PEAK1: variants seen among roughly 807,000 people sequenced by gnomAD.
PEAK1 encodes pseudopodium enriched atypical kinase 1, also known as inactive tyrosine-protein kinase PEAK1.
In PEAK1, 54 loss-of-function variants were observed where a neutral mutation model predicts 124.7. The observed-to-expected ratio is 0.43, with a 90% CI of 0.35 to 0.54. The LOEUF (loss-of-function observed/expected upper bound fraction) is 0.54, where lower values mean the gene tolerates loss of function less well. PEAK1 is among the 20% of genes least tolerant of loss of function. The pLI, the probability that PEAK1 is intolerant of heterozygous loss-of-function variation, is 0.01. For synonymous variants in PEAK1, 719 were observed against 760.0 expected (o/e 0.95, Z 0.89); for missense variants, 2,046 against 2,134.5 (o/e 0.96, Z 0.82).
chr15:77,333,182 A>C (rs1019939569), intron 2 of PEAK1: 67 of 933,706 alleles, frequency 7.2e-5, no homozygotes, highest in Non-Finnish European at 8.3e-5. Flanking sequence ...AAGAGGTCTC[A>C]CTTTATTGCT....
chr15:77,375,890 T>G (rs1233656487), intron 1 of PEAK1, among the ~76,000 whole-genome samples: 2 of 151,848 alleles, frequency 1.3e-5, no homozygotes, highest in African/African-American at 4.8e-5. Flanking sequence ...TCCCAGCTAC[T>G]CGGGAGGCTG....
chr15:77,150,878 T>C (rs1378649122), intron 8 of PEAK1, among the ~76,000 whole-genome samples: 6 of 152,294 alleles, frequency 3.9e-5, no homozygotes, highest in African/African-American at 1.4e-4. Flanking sequence ...TTCCATGGTG[T>C]ATATGTGCCA....
chr15:77,282,711 C>T (rs2062734356), intron 5 of PEAK1, among the ~76,000 whole-genome samples: 1 of 152,092 alleles, frequency 6.6e-6, no homozygotes. Context: ...TCACAATGGG[C>T]CAATGAGAAA....
At chr15:77,334,165 G>A (rs1412048130) in intron 2 of PEAK1, 18 of 962,410 alleles carry the variant, frequency 1.9e-5, no homozygotes, top group Admixed American at 6.2e-5. Flanking sequence ...TTTCCAACTA[G>A]GTATTCCTTG....
intron 5 of PEAK1, among the ~76,000 whole-genome samples, chr15:77,260,956 C>G (rs2061408300): frequency 6.6e-6 from 1 of 152,210 alleles, no homozygotes; most frequent in African/African-American, 2.4e-5. Flanking sequence ...GCAACATTTG[C>G]TGTTCACCAA....
intron 1 of PEAK1, among the ~76,000 whole-genome samples, chr15:77,400,621 T>C (rs529629083): frequency 9.1e-4 from 139 of 152,190 alleles, no homozygotes; most frequent in African/African-American, 3.2e-3. Context: ...ACAATTGAAC[T>C]CATGGGGATG....
intron 6 of PEAK1, among the ~76,000 whole-genome samples, chr15:77,183,956 T>C (rs1279598725): frequency 6.6e-6 from 1 of 151,882 alleles, no homozygotes; most frequent in Non-Finnish European, 1.5e-5. Flanking sequence ...GCCTCTGGAG[T>C]AGCTGGGACT....
chr15:77,150,012 A>G (rs533913322), intron 8 of PEAK1, among the ~76,000 whole-genome samples: 48 of 152,276 alleles, frequency 3.2e-4, no homozygotes, highest in Admixed American at 2.3e-3. Flanking sequence ...GGCTTCCCAA[A>G]GTGCTGGGAT....
At chr15:77,242,828 T>A (rs1242584041) in intron 6 of PEAK1, among the ~76,000 whole-genome samples, 1 of 152,192 alleles carries the variant, frequency 6.6e-6, no homozygotes, top group East Asian at 1.9e-4. Flanking sequence ...GCCTCACTTA[T>A]AACACATGAA....
Position 77,348,458 on chromosome 15 carries a change from A to G in PEAK1, c.-603+16705T>C, listed in dbSNP as rs545730564. 2.6e-3 allele frequency: 2,438 copies of G among 940,304 alleles called. 7 individuals carry two copies. The highest frequency in any genetic ancestry group is 3.0e-3 in the Non-Finnish European group (2,338 of 789,040). 58.2% of individuals were successfully genotyped at this position (940,304 alleles called of 1,614,324 possible). On this transcript the variant is annotated intron_variant, in intron 2 of 9. Coordinates refer to ENST00000682557, the MANE Select transcript of PEAK1 (RefSeq NM_001385026.1). ...TTTTAAAAAGAAAAAATAATAAATA[A>G]TAGGTTGTAAAAGCTAAACACAATG...
intron 2 of PEAK1, chr15:77,333,013 A>G (rs990426025): frequency 4.3e-6 from 4 of 930,234 alleles, no homozygotes; most frequent in Admixed American, 6.2e-5. Flanking sequence ...TTATTGACTT[A>G]TAAGTGCTCT....
At chr15:77,356,048 A>G (rs2067498827) in intron 2 of PEAK1, 1 of 589,184 alleles carries the variant, frequency 1.7e-6, no homozygotes, top group African/African-American at 2.0e-5. Context: ...CCATGTGCAC[A>G]CGACCTGGCC....
chr15:77,377,504 G>A (rs1450794927), intron 1 of PEAK1, among the ~76,000 whole-genome samples: 1 of 150,178 alleles, frequency 6.7e-6, no homozygotes, highest in Non-Finnish European at 1.5e-5. Flanking sequence ...CCAGGCTGGA[G>A]TACAATGGCA....
rs776011798 is a variant in PEAK1, at chr15:77,114,399, C to G, written c.4998G>C (p.Leu1666=). 8 of 1,614,068 alleles carry G rather than the reference C, an allele frequency of 5.0e-6. No individual in the cohort carries two copies. The Admixed American group carries it at 1.3e-4, about 27-fold the overall frequency. ...AGAGATCTTCGCGGGGGCCCCAGAG[C>G]AGACACTGGAGGATGCCTTTGGCGT... ...ISDAKGILQC[L]LWGPREDLFQ... The change falls in exon 10 of 10, where the codon CTG becomes CTC. Residue 1666 remains leucine (L), a synonymous_variant. Coordinates refer to ENST00000682557, the MANE Select transcript of PEAK1 (RefSeq NM_001385026.1).
intron 6 of PEAK1, among the ~76,000 whole-genome samples, chr15:77,220,302 T>G (rs2059328671): frequency 6.6e-6 from 1 of 151,984 alleles, no homozygotes; most frequent in Non-Finnish European, 1.5e-5. Flanking sequence ...AAGTTGCAAC[T>G]TTTACTCAGA....
intron 9 of PEAK1, among the ~76,000 whole-genome samples, chr15:77,121,307 G>A (rs1041123673): frequency 1.1e-4 from 16 of 152,214 alleles, no homozygotes; most frequent in African/African-American, 2.9e-4. Flanking sequence ...AGCAAGGCAC[G>A]TAGTACTTGC....
chr15:77,411,334 A>G (rs894573702), intron 1 of PEAK1, among the ~76,000 whole-genome samples: 2 of 152,234 alleles, frequency 1.3e-5, no homozygotes, highest in Non-Finnish European at 2.9e-5. Flanking sequence ...ACTCCTCATC[A>G]GTTCACTGAG....
In PEAK1 at chr15:77,186,026, T is replaced by C. The variant is rs150581459; in HGVS notation, c.-114-3986A>G. 6.8e-3 allele frequency among the ~76,000 whole-genome samples: 1,039 copies of C among 152,338 alleles called. 13 individuals are homozygous for C. The highest frequency in any genetic ancestry group is 0.024 in the African/African-American group (987 of 41,578). ...TTTTGTTTTTACCTTTTTTGGTAGA[T>C]GTTTTTTTCTTTTGTTGTATATGCT... is the stretch of plus-strand genomic sequence containing the variant. On this transcript the variant is annotated intron_variant, in intron 6 of 9. Transcript: ENST00000682557.
Position 77,275,443 on chromosome 15 carries a change from C to T in PEAK1, c.-275+8440G>A, listed in dbSNP as rs111354195. 8.0e-3 allele frequency among the ~76,000 whole-genome samples: 1,218 copies of T among 152,202 alleles called. 19 individuals carry two copies. Among genetic ancestry groups the T allele is most frequent in the African/African-American group, 0.028 (1,162 of 41,530 alleles). On this transcript the variant is annotated intron_variant, in intron 5 of 9. Transcript: ENST00000682557. ...ATTTTAAGAAACAAATGAGGCTGGG[C>T]ATGGTGGCTCATGCCTATAATCCCA...
Sources: allele counts gnomAD v4.1 joint callset (sites outside exome capture counted in the v4.1 genomes callset), GRCh38; gene constraint gnomAD v4.1.1; transcripts MANE v1.5; gene names NCBI Gene and HGNC (gene_info 2026-07-23, HGNC 2026-07-21).